BMPR2: variants seen among roughly 807,000 people sequenced by gnomAD.
BMPR2 encodes the protein bone morphogenetic protein receptor type 2, also known as bone morphogenetic protein receptor type-2.
In BMPR2, 29 loss-of-function variants were observed where a neutral mutation model predicts 100.8. That is an observed-to-expected ratio of 0.29 (90% CI 0.21 to 0.39). The LOEUF (loss-of-function observed/expected upper bound fraction) is 0.39. Among genes scored for constraint, BMPR2 ranks in the 10% least tolerant of loss-of-function variants. The pLI is 1.00. For missense variants in BMPR2, 1,011 were observed against 1,274.5 expected (o/e 0.79, Z 3.15); for synonymous variants, 382 against 442.3 (o/e 0.86, Z 1.71).
chr2:202,416,174 G>C (rs1337039785), intron 1 of BMPR2, among the ~76,000 whole-genome samples: 1 of 152,132 alleles, frequency 6.6e-6, no homozygotes, highest in African/African-American at 2.4e-5. Context: ...AGATGTGGTG[G>C]AATAGCAAGA....
intron 1 of BMPR2, among the ~76,000 whole-genome samples, chr2:202,443,865 T>C (rs1691796489): frequency 1.3e-5 from 2 of 149,668 alleles, no homozygotes; most frequent in Non-Finnish European, 2.9e-5. Flanking sequence ...TACCAGATAA[T>C]TTTTTTTCCA....
chr2:202,441,271 T>C (rs987147698), intron 1 of BMPR2, among the ~76,000 whole-genome samples: 14 of 150,370 alleles, frequency 9.3e-5, no homozygotes, highest in African/African-American at 3.0e-4. Flanking sequence ...ATATTCTTAA[T>C]ACTAGTCTTT....
intron 10 of BMPR2, 135 bp from the exon 11 acceptor site, chr2:202,552,581 A>G: frequency 1.1e-6 from 1 of 890,270 alleles, no homozygotes; most frequent in Non-Finnish European, 1.8e-6. Flanking sequence ...CTTGAAGCCT[A>G]AAATATGTTA....
chr2:202,408,943 A>C (rs1190648767), intron 1 of BMPR2, among the ~76,000 whole-genome samples: 2 of 152,234 alleles, frequency 1.3e-5, no homozygotes, highest in Non-Finnish European at 2.9e-5. Context: ...TTGATTCATT[A>C]ATATCAGGAG....
intron 7 of BMPR2, among the ~76,000 whole-genome samples, chr2:202,525,058 CTTAGG>C (rs954919961): frequency 6.6e-6 from 1 of 152,036 alleles, no homozygotes; most frequent in African/African-American, 2.4e-5. Context: ...ATTTTTGGAT[CTTAGG>C]TTAAGAACCT....
chr2:202,532,781 A>G lies in BMPR2; in HGVS notation c.1276+49A>G, dbSNP rs752966076. ...ATATTTTTTGAAGTGAAGCAGTTAT[A>G]TCTTCTTTCTCTACCTATAGTACCT... On this transcript the variant is annotated intron_variant, in intron 9 of 12. Transcript: ENST00000374580. This position sits in a 1 kb window ranked among gnomAD's most constrained non-coding sequence, Gnocchi z 4.1. 9 of 1,583,030 alleles carry G rather than the reference A, an allele frequency of 5.7e-6. No individual in the cohort carries two copies. Among genetic ancestry groups the G allele is most frequent in the South Asian group, 2.2e-5 (2 of 90,380 alleles).
intron 1 of BMPR2, among the ~76,000 whole-genome samples, chr2:202,413,200 CT>C (rs1328691071): frequency 6.6e-6 from 1 of 152,138 alleles, no homozygotes; most frequent in Non-Finnish European, 1.5e-5. Flanking sequence ...CCATATTTTT[CT>C]CATTTTTGTG....
At chr2:202,467,824 C>G in intron 3 of BMPR2, 135 bp downstream of exon 3, 1 of 885,274 alleles carries the variant, frequency 1.1e-6, no homozygotes, top group Admixed American at 2.1e-5. Context: ...TTTGGGAGGC[C>G]GAGGTGGATG....
At chr2:202,429,391 T>G (rs2105930011) in intron 1 of BMPR2, among the ~76,000 whole-genome samples, 1 of 152,300 alleles carries the variant, frequency 6.6e-6, no homozygotes, top group Admixed American at 6.5e-5. Flanking sequence ...CCAGTAACAC[T>G]GAACTATTTA....
chr2:202,448,185 C>G (rs763335859), intron 1 of BMPR2, among the ~76,000 whole-genome samples: 43 of 150,638 alleles, frequency 2.9e-4, no homozygotes, highest in Non-Finnish European at 5.2e-4. Flanking sequence ...CGCGGTGGCT[C>G]AAGCCTCTAA....
intron 7 of BMPR2, among the ~76,000 whole-genome samples, chr2:202,529,432 G>T (rs1253601998): frequency 6.6e-6 from 1 of 152,140 alleles, no homozygotes. Flanking sequence ...CTATAGTTCT[G>T]CCCATTGATT....
chr2:202,496,022 G>A (rs34700731), intron 3 of BMPR2, among the ~76,000 whole-genome samples: 23,758 of 152,102 alleles, frequency 0.16, 2,071 homozygotes, highest in African/African-American at 0.22. Flanking sequence ...AAAAGACAGC[G>A]TTAAAAACGT....
At chr2:202,477,424 G>T (rs553644172) in intron 3 of BMPR2, among the ~76,000 whole-genome samples, 1 of 151,498 alleles carries the variant, frequency 6.6e-6, no homozygotes, top group Non-Finnish European at 1.5e-5. Context: ...TATGATATTT[G>T]TTGTTTCCTA....
chr2:202,542,523 C>T (rs561391710), intron 10 of BMPR2, 76 bp downstream of exon 10: 4 of 1,530,258 alleles, frequency 2.6e-6, no homozygotes, highest in African/African-American at 1.4e-5. Flanking sequence ...CAAAAATAGA[C>T]TGTTAATAAC....
At chr2:202,509,678 ATATTT>A (rs1325130679) in intron 3 of BMPR2, among the ~76,000 whole-genome samples, 5 of 151,840 alleles carry the variant, frequency 3.3e-5, no homozygotes, top group South Asian at 2.1e-4. Flanking sequence ...TAAAATTTTA[ATATTT>A]TATTTAATTG....
chr2:202,414,988 TC>T (rs1324050019), intron 1 of BMPR2, among the ~76,000 whole-genome samples: 6 of 151,932 alleles, frequency 3.9e-5, no homozygotes, highest in Non-Finnish European at 5.9e-5. Context: ...TCCCTTGGCC[TC>T]CCAAAGTGTT....
chr2:202,468,462 C>T (rs1692369809), intron 3 of BMPR2, among the ~76,000 whole-genome samples: 1 of 152,146 alleles, frequency 6.6e-6, no homozygotes, highest in Non-Finnish European at 1.5e-5. Context: ...CACAGCGAGA[C>T]TCTGTCTCAA....
chr2:202,510,428 C>A (rs1248967027), intron 3 of BMPR2, among the ~76,000 whole-genome samples: 1 of 151,908 alleles, frequency 6.6e-6, no homozygotes, highest in Non-Finnish European at 1.5e-5. Flanking sequence ...TGCTAAGCCA[C>A]AAAAAGACAT....
intron 3 of BMPR2, among the ~76,000 whole-genome samples, chr2:202,497,193 C>T (rs1693052677): frequency 6.6e-6 from 1 of 152,214 alleles, no homozygotes; most frequent in Non-Finnish European, 1.5e-5. Context: ...AGCCTCCCAC[C>T]CCCTCCATGG....
Sources: gnomAD v4.1 joint callset for allele counts (sites outside exome capture counted in the v4.1 genomes callset) on GRCh38, gnomAD v4.1.1 for gene constraint, Gnocchi (gnomAD v3.1) non-coding constraint, MANE v1.5 for transcripts, NCBI Gene and HGNC (gene_info 2026-07-23, HGNC 2026-07-21) for gene names.